The following TMEM87B variants were observed in gnomAD, a reference collection of about 807,000 sequenced individuals.
TMEM87B encodes the protein transmembrane protein 87B.
Under a neutral mutation model 80.3 loss-of-function variants are expected in TMEM87B, and 83 were observed. The ratio of observed to expected loss-of-function variants is 1.03; its 90% confidence interval spans 0.87 to 1.24. The LOEUF (loss-of-function observed/expected upper bound fraction) is 1.24, where lower values mean the gene tolerates loss of function less well. Ranked by LOEUF, TMEM87B falls within the 50% of genes most tolerant of loss-of-function variation. TMEM87B has a pLI of 0.00. For missense variants in TMEM87B, 625 were observed against 674.4 expected, an observed-to-expected ratio of 0.93 and a Z score of 0.81; for synonymous variants, 219 against 230.5, an observed-to-expected ratio of 0.95 and a Z score of 0.45.
chr2:112,094,775 G>T (rs1679407577), intron 11 of TMEM87B, among the ~76,000 whole-genome samples: 1 of 152,188 alleles, frequency 6.6e-6, no homozygotes, highest in African/African-American at 2.4e-5. Context: ...GTTTCATGGT[G>T]AGACAAAGGA....
chr2:112,099,447 T>C (rs1679564830), intron 14 of TMEM87B, among the ~76,000 whole-genome samples: 1 of 151,064 alleles, frequency 6.6e-6, no homozygotes, highest in African/African-American at 2.4e-5. Context: ...ACACTTCTGG[T>C]CTCAGGCATT....
rs1373476878 is a variant in TMEM87B, at chr2:112,116,145, T to A, written c.*2T>A. The A allele has an allele frequency of 1.9e-6, 3 of 1,611,738 alleles. No individual in the cohort carries two copies. The highest frequency in any genetic ancestry group is 3.3e-5 in the Admixed American group (2 of 59,918). ...TTCTCTTCAGAAAAGATAATGTGAT[T>A]GGAACCCGTATAAGAAATGTAGTTA... On this transcript the variant is annotated 3_prime_UTR_variant, in exon 19 of 19. Transcript: ENST00000283206.
intron 1 of TMEM87B, among the ~76,000 whole-genome samples, chr2:112,059,600 G>A: frequency 6.6e-6 from 1 of 152,162 alleles, no homozygotes; most frequent in East Asian, 1.9e-4. Flanking sequence ...ATAACGACTT[G>A]GAGCTGGGAG....
Position 112,055,629 on chromosome 2 carries a change from C to G in TMEM87B, c.38C>G (p.Pro13Arg). Residue 13 changes from proline to arginine, a missense_variant, in exon 1 of 19, where the codon CCA becomes CGA. Coordinates refer to ENST00000283206, the MANE Select transcript of TMEM87B (RefSeq NM_032824.3). ...AACRSVAGLL[P>R]RRRRCFPARA... The stretch of plus-strand genomic sequence containing the variant: ...TGCCGCTCGGTAGCCGGGCTCCTGC[C>G]ACGCCGCCGCCGCTGCTTTCCCGCC... 6.5e-7 allele frequency: 1 copy of G among 1,547,698 alleles called. No individual in the cohort carries two copies. Among genetic ancestry groups the G allele is most frequent in the East Asian group, 2.5e-5 (1 of 39,620 alleles).
At chr2:112,065,913 C>T (rs1306105679) in intron 3 of TMEM87B, among the ~76,000 whole-genome samples, 3 of 152,188 alleles carry the variant, frequency 2.0e-5, no homozygotes, top group South Asian at 2.1e-4. Flanking sequence ...GATGTTTATT[C>T]ATGATCAGAT....
intron 11 of TMEM87B, chr2:112,095,577 A>G (rs1679444258): frequency 7.6e-6 from 5 of 656,024 alleles, no homozygotes; most frequent in Non-Finnish European, 7.6e-6. Context: ...GATGTATTTA[A>G]GGAATAAAGT....
chr2:112,087,462 C>G (rs1475206412), intron 9 of TMEM87B, among the ~76,000 whole-genome samples: 1 of 152,062 alleles, frequency 6.6e-6, no homozygotes, highest in African/African-American at 2.4e-5. Flanking sequence ...AAGTAGAAGC[C>G]ATCAGAGGGG....
intron 1 of TMEM87B, among the ~76,000 whole-genome samples, chr2:112,057,554 G>A (rs1212789878): frequency 1.3e-5 from 2 of 152,102 alleles, no homozygotes; most frequent in African/African-American, 4.8e-5. Context: ...GGGATTACAG[G>A]CATGAGCCAC....
At chr2:112,087,585 A>G (rs1272415839) in intron 9 of TMEM87B, among the ~76,000 whole-genome samples, 1 of 151,834 alleles carries the variant, frequency 6.6e-6, no homozygotes, top group South Asian at 2.1e-4. Flanking sequence ...GTGCCCACTC[A>G]ACTGTGAGGG....
chr2:112,058,557 A>T (rs539098932), intron 1 of TMEM87B, among the ~76,000 whole-genome samples: 2,505 of 152,110 alleles, frequency 0.016, 31 homozygotes, highest in Middle Eastern at 0.051. Flanking sequence ...CTAAAGTTTT[A>T]AAAAGGCCTC....
intron 6 of TMEM87B, 43 bp downstream of exon 6, chr2:112,077,325 T>C: frequency 9.0e-7 from 1 of 1,116,634 alleles, no homozygotes; most frequent in Non-Finnish European, 1.3e-6. Context: ...GCATTTTCTG[T>C]ATTCTGTATT....
chr2:112,091,734 T>A lies in TMEM87B; in HGVS notation c.1055T>A (p.Val352Asp), dbSNP rs187520941. Residue 352 changes from valine (V) to aspartate (D), a missense_variant, in exon 11 of 19, where the codon GTT (valine) becomes GAT (aspartate). Transcript: ENST00000283206. ...VIGGSNHLAVVLDDIILAVID... is the reference protein window; with the variant it reads ...VIGGSNHLAVDLDDIILAVID... ...CAGGGTTCTAACCATTTAGCTGTTG[T>A]TCTTGATGACATTATTTTAGCAGTT... 1 of 1,613,468 alleles carries A rather than the reference T, an allele frequency of 6.2e-7. No homozygotes were observed. The highest frequency in any genetic ancestry group is 2.2e-5 in the East Asian group (1 of 44,808).
intron 1 of TMEM87B, among the ~76,000 whole-genome samples, chr2:112,056,296 C>G (rs889862716): frequency 1.3e-5 from 2 of 151,974 alleles, no homozygotes; most frequent in Admixed American, 6.6e-5. Context: ...CTCTATTTCT[C>G]TCTTCTTGAG....
chr2:112,060,662 T>C (rs1200395891), intron 2 of TMEM87B, among the ~76,000 whole-genome samples: 2 of 151,414 alleles, frequency 1.3e-5, no homozygotes, highest in Non-Finnish European at 2.9e-5. Context: ...TCAGCCTCCC[T>C]AGTAGCTGAG....
intron 1 of TMEM87B, among the ~76,000 whole-genome samples, chr2:112,058,035 C>A (rs1197226840): frequency 1.3e-5 from 2 of 152,022 alleles, no homozygotes; most frequent in African/African-American, 4.8e-5. Flanking sequence ...CCATGTTGAT[C>A]AGGCTGGTCT....
chr2:112,089,870 T>C (rs1375349273), intron 10 of TMEM87B, 152 bp downstream of exon 10: 4 of 704,338 alleles, frequency 5.7e-6, no homozygotes, highest in Non-Finnish European at 9.6e-6. Flanking sequence ...TTTAAAATAC[T>C]TCCTGAAAGG....
chr2:112,111,136 G>GT (rs1196787196), intron 17 of TMEM87B, among the ~76,000 whole-genome samples: 2 of 152,218 alleles, frequency 1.3e-5, no homozygotes, highest in South Asian at 2.1e-4. Flanking sequence ...AGTTTGTGGT[G>GT]TTTTTTTGGT....
Position 112,107,858 on chromosome 2 carries a change from A to G in TMEM87B, c.1577+18A>G. On this transcript the variant is annotated intron_variant, in intron 17 of 18. Coordinates refer to ENST00000283206, the MANE Select transcript of TMEM87B (RefSeq NM_032824.3). ...ACAGATGTGTAAGTTATCTTCTGTT[A>G]CAGTTTGATTGTAAATTTTAGGCTG... 6.5e-7 allele frequency: 1 copy of G among 1,545,946 alleles called. No homozygotes were observed. Among genetic ancestry groups the G allele is most frequent in the South Asian group, 1.2e-5 (1 of 84,956 alleles).
chr2:112,096,462 A>G (rs572499878), intron 11 of TMEM87B, among the ~76,000 whole-genome samples: 2 of 152,312 alleles, frequency 1.3e-5, no homozygotes, highest in African/African-American at 4.8e-5. Flanking sequence ...TAGTCGTAGT[A>G]TTCTTCCTAT....
Sources: gnomAD v4.1 joint callset for allele counts (sites outside exome capture counted in the v4.1 genomes callset) on GRCh38, gnomAD v4.1.1 for gene constraint, MANE v1.5 for transcripts, NCBI Gene and HGNC (gene_info 2026-07-23, HGNC 2026-07-21) for gene names.